STIM1: variants seen among roughly 807,000 people sequenced by gnomAD.
The protein encoded by STIM1 is stromal interaction molecule 1.
STIM1 carries 25 observed loss-of-function variants against 74.7 expected under a neutral mutation model. That is an observed-to-expected ratio of 0.33 (90% CI 0.24 to 0.47). The LOEUF (loss-of-function observed/expected upper bound fraction) is 0.47. Ranked by LOEUF, STIM1 falls within the 20% of genes least tolerant of loss-of-function variation. The pLI is 1.00. For synonymous variants in STIM1, 328 were observed against 348.8 expected, an observed-to-expected ratio of 0.94 and a Z score of 0.66; for missense variants, 728 against 920.8, an observed-to-expected ratio of 0.79 and a Z score of 2.71.
rs562406813 is a variant in STIM1, at chr11:4,086,830, G to A, written c.1634+287G>A. On this transcript the variant is annotated intron_variant, in intron 12 of 12. Transcript: ENST00000526596. ...TGACACACCCCCTTCTGACAGCACC[G>A]CTGTGATGCCTGGGCATTCAGAGAG... 2,875 of 1,535,490 alleles carry A rather than the reference G, an allele frequency of 1.9e-3. 8 individuals carry two copies. Among genetic ancestry groups the A allele is most frequent in the Non-Finnish European group, 2.2e-3 (2,536 of 1,145,972 alleles).
At chr11:3,931,798 G>T (rs1675802513) in intron 1 of STIM1, among the ~76,000 whole-genome samples, 1 of 152,134 alleles carries the variant, frequency 6.6e-6, no homozygotes. Context: ...CTGAATGCAT[G>T]TTCCAAGCTA....
At chr11:3,886,416 C>T (rs1038677303) in intron 1 of STIM1, among the ~76,000 whole-genome samples, 7 of 152,068 alleles carry the variant, frequency 4.6e-5, no homozygotes, top group Admixed American at 1.3e-4. Flanking sequence ...TGGCTGGGCG[C>T]GGTGGCTCAC....
chr11:3,970,780 T>A (rs1407870013), intron 2 of STIM1, among the ~76,000 whole-genome samples: 1 of 152,236 alleles, frequency 6.6e-6, no homozygotes, highest in African/African-American at 2.4e-5. Flanking sequence ...ACATGGGTTT[T>A]TCTTTTTTTG....
intron 7 of STIM1, 79 bp downstream of exon 7, chr11:4,074,758 A>G (rs2094427740): frequency 2.8e-6 from 4 of 1,434,672 alleles, no homozygotes; most frequent in Non-Finnish European, 3.8e-6. Flanking sequence ...AGAAAGTTAC[A>G]TGTGTGAGGA....
In STIM1 at chr11:3,895,843, CTTTCTTTCTT is replaced by C. The variant is rs1213183520; in HGVS notation, c.139+39436_139+39445del. On this transcript the variant is annotated intron_variant, in intron 1 of 12. Transcript: ENST00000526596. ...TTCTTTCTTTTCTTTCTTTCTTTCT[CTTTCTTTCTT>C]TCTCTCTCTCTCTCTTTCTTTTCTT... is the stretch of plus-strand genomic sequence containing the variant. Among the ~76,000 whole-genome samples, 894 of 113,044 alleles carry C rather than the reference CTTTCTTTCTT, an allele frequency of 7.9e-3. 167 individuals carry two copies. Among genetic ancestry groups the C allele is most frequent in the African/African-American group, 0.018 (418 of 23,488 alleles). The allele number at this position is 113,044 out of a possible 152,430, so 74.2% of individuals were successfully genotyped here.
At chr11:4,046,205 C>T (rs1201384185) in intron 3 of STIM1, among the ~76,000 whole-genome samples, 3 of 151,596 alleles carry the variant, frequency 2.0e-5, no homozygotes, top group African/African-American at 7.3e-5. Flanking sequence ...GCTGGGATCA[C>T]AGGCACGCAC....
At chr11:4,075,807 A>G (rs2094434053) in intron 7 of STIM1, among the ~76,000 whole-genome samples, 1 of 152,246 alleles carries the variant, frequency 6.6e-6, no homozygotes, top group African/African-American at 2.4e-5. Context: ...GTACCAATCT[A>G]TACTGCCACA....
chr11:4,065,370 A>G (rs924594755), intron 5 of STIM1, among the ~76,000 whole-genome samples: 1 of 151,744 alleles, frequency 6.6e-6, no homozygotes, highest in Admixed American at 6.6e-5. Context: ...TTATGGTCCA[A>G]TTTGCCCTTC....
At chr11:3,962,445 T>TTGTGTG (rs139472251) in intron 1 of STIM1, among the ~76,000 whole-genome samples, 2,153 of 147,686 alleles carry the variant, frequency 0.015, 37 homozygotes, top group Admixed American at 0.059. Context: ...CTGAGTAGTA[T>TTGTGTG]TGTGTGTGTG....
chr11:3,972,824 C>G, intron 2 of STIM1: 2 of 472,846 alleles, frequency 4.2e-6, no homozygotes, highest in South Asian at 3.1e-5. Flanking sequence ...ACTGCCATAG[C>G]TACTGACTGG....
chr11:4,087,069 A>G (rs919137819), intron 12 of STIM1, among the ~76,000 whole-genome samples: 1 of 152,182 alleles, frequency 6.6e-6, no homozygotes, highest in African/African-American at 2.4e-5. Flanking sequence ...GACTCTAAAA[A>G]TGAGTAACGA....
chr11:3,993,668 A>ACTTC, intron 2 of STIM1, among the ~76,000 whole-genome samples: 4 of 152,092 alleles, frequency 2.6e-5, no homozygotes, highest in African/African-American at 9.7e-5. Flanking sequence ...AAAAACAAAA[A>ACTTC]ACGAAACAAA....
At chr11:3,883,558 G>T (rs966320169) in intron 1 of STIM1, among the ~76,000 whole-genome samples, 3 of 152,072 alleles carry the variant, frequency 2.0e-5, no homozygotes, top group African/African-American at 7.2e-5. Flanking sequence ...TTACCATGTT[G>T]GTCAGGCTGG....
intron 1 of STIM1, among the ~76,000 whole-genome samples, chr11:3,964,552 G>A (rs2093321596): frequency 6.6e-6 from 1 of 152,116 alleles, no homozygotes. Flanking sequence ...GTAGGTTTTT[G>A]GGAAAGGTGC....
rs1565162061 is a variant in STIM1 at position 4,055,509 on chromosome 11, C to G, written c.386-17C>G. The G allele has an allele frequency of 1.3e-6, 2 of 1,569,338 alleles. No homozygotes were observed. Among genetic ancestry groups the G allele is most frequent in the Admixed American group, 3.6e-5 (2 of 54,882 alleles). On this transcript the variant is annotated splice_polypyrimidine_tract_variant and intron_variant, in intron 3 of 12. Transcript: ENST00000526596. ...TTGGCATTCTAGAGTCATGGCTTTGCTTGTCTCTTTTCACAGTATACAATT... is the reference window on the plus strand; with the variant it reads ...TTGGCATTCTAGAGTCATGGCTTTGGTTGTCTCTTTTCACAGTATACAATT...
chr11:4,033,883 G>A (rs1024489019), intron 3 of STIM1, among the ~76,000 whole-genome samples: 1 of 151,970 alleles, frequency 6.6e-6, no homozygotes, highest in Non-Finnish European at 1.5e-5. Flanking sequence ...ACAGGCGTGA[G>A]CCACTGTGCC....
chr11:3,921,026 C>T (rs952601924), intron 1 of STIM1, among the ~76,000 whole-genome samples: 3 of 152,210 alleles, frequency 2.0e-5, no homozygotes, highest in South Asian at 2.1e-4. Flanking sequence ...GAACTCCTGA[C>T]CTCAGGTAAT....
rs1478040411 is a variant in STIM1 at position 4,082,462 on chromosome 11, T to C, written c.1137+111T>C. 5.2e-6 allele frequency: 6 copies of C among 1,162,368 alleles called. No homozygotes were observed. In the Admixed American group the frequency reaches 1.0e-4, roughly 19 times the overall value. The allele number at this position is 1,162,368 out of a possible 1,614,324, so 72.0% of individuals were successfully genotyped here. A position where few individuals can be genotyped will look rare whatever the true frequency, so the allele number is the denominator to read the frequency against. On this transcript the variant is annotated intron_variant, in intron 8 of 12. Coordinates refer to ENST00000526596, the MANE Select transcript of STIM1 (RefSeq NM_001382567.1). Reference sequence around the variant, plus strand: ...CTGTTCCTCCCATTGGGTGAAGAGATATCCTGGTGGTGGGTTCTGTTTCTT... The same window carrying C: ...CTGTTCCTCCCATTGGGTGAAGAGACATCCTGGTGGTGGGTTCTGTTTCTT...
At chr11:3,978,588 C>A (rs1471702330) in intron 2 of STIM1, among the ~76,000 whole-genome samples, 1 of 151,662 alleles carries the variant, frequency 6.6e-6, no homozygotes, top group African/African-American at 2.4e-5. Context: ...TGGTGAAACC[C>A]CGTCTCTACT....
Sources: allele counts gnomAD v4.1 joint callset (sites outside exome capture counted in the v4.1 genomes callset), GRCh38; gene constraint gnomAD v4.1.1; transcripts MANE v1.5; gene names NCBI Gene and HGNC (gene_info 2026-07-23, HGNC 2026-07-21).